Variants in PTPN14 observed in about 807,000 individuals in gnomAD.
PTPN14 encodes tyrosine-protein phosphatase non-receptor type 14.
PTPN14 carries 53 observed loss-of-function variants against 126.8 expected under a neutral mutation model. The ratio of observed to expected loss-of-function variants is 0.42; its 90% CI spans 0.34 to 0.53. The LOEUF is 0.53. Ranked by LOEUF, PTPN14 falls within the 20% of genes least tolerant of loss-of-function variation. The pLI, the probability that PTPN14 is intolerant of heterozygous loss-of-function variation, is 0.08. For synonymous variants in PTPN14, 630 were observed against 599.3 expected (o/e 1.05, Z -0.75); for missense variants, 1,257 against 1,552.9 (o/e 0.81, Z 3.20).
chr1:214,441,126 C>T (rs1230588756), intron 3 of PTPN14, among the ~76,000 whole-genome samples: 1 of 152,206 alleles, frequency 6.6e-6, no homozygotes, highest in Non-Finnish European at 1.5e-5. Flanking sequence ...CCTAAATCTA[C>T]TCCACTTGTT....
chr1:214,510,477 T>C (rs896096399), intron 1 of PTPN14, among the ~76,000 whole-genome samples: 2 of 152,242 alleles, frequency 1.3e-5, no homozygotes, highest in East Asian at 1.9e-4. Context: ...TGTAATGACA[T>C]TGCAATGAAA....
chr1:214,482,455 T>C (rs1388896210), intron 1 of PTPN14, among the ~76,000 whole-genome samples: 4 of 152,148 alleles, frequency 2.6e-5, no homozygotes, highest in African/African-American at 9.7e-5. Context: ...TTGTGATCCA[T>C]ACAAAACACC....
chr1:214,489,040 T>C (rs1023539019), intron 1 of PTPN14, among the ~76,000 whole-genome samples: 21 of 152,202 alleles, frequency 1.4e-4, no homozygotes. Flanking sequence ...ATAAGGTGGT[T>C]TGAGAAAGGT....
intron 1 of PTPN14, among the ~76,000 whole-genome samples, chr1:214,515,797 A>G (rs187098756): frequency 6.6e-6 from 1 of 152,264 alleles, no homozygotes; most frequent in African/African-American, 2.4e-5. Context: ...AAGAAAAGAA[A>G]AAAAAAACTG....
intron 3 of PTPN14, among the ~76,000 whole-genome samples, chr1:214,450,242 C>T (rs1247765513): frequency 6.6e-6 from 1 of 151,736 alleles, no homozygotes; most frequent in Admixed American, 6.6e-5. Context: ...AAGGCCAAGG[C>T]GGGCAGATCA....
intron 1 of PTPN14, among the ~76,000 whole-genome samples, chr1:214,512,438 ATCAG>A (rs1558136291): frequency 1.3e-5 from 2 of 152,142 alleles, no homozygotes; most frequent in Non-Finnish European, 2.9e-5. Flanking sequence ...AACTGACACA[ATCAG>A]TCAGTCACAA....
At chr1:214,446,939 G>C (rs1660157610) in intron 3 of PTPN14, among the ~76,000 whole-genome samples, 1 of 152,182 alleles carries the variant, frequency 6.6e-6, no homozygotes, top group Admixed American at 6.5e-5. Context: ...TGGCTGAATG[G>C]TTGCCTCCTC....
chr1:214,521,936 C>CTTTT (rs367888207), intron 1 of PTPN14, among the ~76,000 whole-genome samples: 5 of 99,928 alleles, frequency 5.0e-5, no homozygotes, highest in Admixed American at 3.3e-4. Flanking sequence ...AAATCTGAAG[C>CTTTT]TTTTTTTTTT....
rs181072846 is a variant in PTPN14 at position 214,402,757 on chromosome 1, G to A, written c.581+126C>T. On this transcript the variant is annotated intron_variant, in intron 6 of 18. Transcript: ENST00000366956. Reference sequence around the variant, plus strand: ...GAACGGAAGTACAGAGCTGAGTCACGTGGTGGAATAAATACAAGTGTGTTG... The same window carrying A: ...GAACGGAAGTACAGAGCTGAGTCACATGGTGGAATAAATACAAGTGTGTTG... 1.0e-3 allele frequency: 1,062 copies of A among 1,019,574 alleles called. 9 individuals carry two copies. In the African/African-American group the frequency reaches 0.014, roughly 13 times the overall value. 63.2% of individuals were successfully genotyped at this position (1,019,574 alleles called of 1,614,324 possible).
intron 1 of PTPN14, among the ~76,000 whole-genome samples, chr1:214,536,376 C>G (rs1035710793): frequency 5.9e-5 from 9 of 151,970 alleles, no homozygotes; most frequent in African/African-American, 2.2e-4. Context: ...CCACTGCACT[C>G]CAGCCTGGGC....
At chr1:214,529,808 TGG>T (rs2102467758) in intron 1 of PTPN14, 1 of 152,332 alleles carries the variant, frequency 6.6e-6, no homozygotes, top group Non-Finnish European at 1.5e-5. Flanking sequence ...CGCTTGAACC[TGG>T]GAGGTGGAGG....
chr1:214,490,349 CCT>C (rs1460580135), intron 1 of PTPN14, among the ~76,000 whole-genome samples: 1 of 152,214 alleles, frequency 6.6e-6, no homozygotes, highest in Non-Finnish European at 1.5e-5. Flanking sequence ...TTAACATTTA[CCT>C]CTGACAGAGC....
At chr1:214,367,795 T>C (rs1297622602) in intron 17 of PTPN14, among the ~76,000 whole-genome samples, 1 of 152,194 alleles carries the variant, frequency 6.6e-6, no homozygotes, top group Non-Finnish European at 1.5e-5. Flanking sequence ...ATCTCATCTT[T>C]GGACGATGAT....
intron 1 of PTPN14, among the ~76,000 whole-genome samples, chr1:214,517,077 GCTGT>G (rs1224747211): frequency 6.6e-6 from 1 of 151,990 alleles, no homozygotes; most frequent in Non-Finnish European, 1.5e-5. Flanking sequence ...CGCTCCTAAG[GCTGT>G]CACCTGTCAT....
At chr1:214,442,767 G>A (rs752805177) in intron 3 of PTPN14, among the ~76,000 whole-genome samples, 37 of 151,486 alleles carry the variant, frequency 2.4e-4, no homozygotes, top group Non-Finnish European at 4.6e-4. Flanking sequence ...ATACTTCATT[G>A]TTCTAGTAGC....
At chr1:214,424,497 G>A (rs1299898403) in intron 3 of PTPN14, among the ~76,000 whole-genome samples, 1 of 151,648 alleles carries the variant, frequency 6.6e-6, no homozygotes, top group Non-Finnish European at 1.5e-5. Context: ...ATGGACCTGT[G>A]GTGAGACAAT....
chr1:214,391,914 C>T (rs1156843419), intron 10 of PTPN14, among the ~76,000 whole-genome samples: 6 of 151,820 alleles, frequency 4.0e-5, no homozygotes, highest in Admixed American at 6.6e-5. Flanking sequence ...TTATATATAC[C>T]GCCGCCTAAT....
intron 17 of PTPN14, among the ~76,000 whole-genome samples, chr1:214,368,715 G>A (rs1478771738): frequency 6.6e-6 from 1 of 152,082 alleles, no homozygotes; most frequent in African/African-American, 2.4e-5. Flanking sequence ...GGGCACAGTG[G>A]CTCACACCTG....
chr1:214,495,574 A>G (rs962210653), intron 1 of PTPN14, among the ~76,000 whole-genome samples: 1 of 152,236 alleles, frequency 6.6e-6, no homozygotes, highest in Admixed American at 6.5e-5. Flanking sequence ...CTCCAGGAGA[A>G]AAGGTACTTA....
Sources: gnomAD v4.1 joint callset for allele counts (sites outside exome capture counted in the v4.1 genomes callset) on GRCh38, gnomAD v4.1.1 for gene constraint, MANE v1.5 for transcripts, NCBI Gene and HGNC (gene_info 2026-07-23, HGNC 2026-07-21) for gene names.